The following NPEPPS variants were observed in gnomAD, a reference collection of about 807,000 sequenced individuals.
NPEPPS encodes the protein puromycin-sensitive aminopeptidase.
In NPEPPS, 14 loss-of-function variants were observed where a neutral mutation model predicts 115.5. The ratio of observed to expected loss-of-function variants is 0.12; its 90% confidence interval spans 0.08 to 0.19. The LOEUF (loss-of-function observed/expected upper bound fraction) is 0.19, where lower values mean the gene tolerates loss of function less well. NPEPPS is among the 10% of genes least tolerant of loss of function. The probability of loss-of-function intolerance (pLI) is 1.00; values close to 1 mark genes in which losing one functional copy is unlikely to be tolerated. For missense variants in NPEPPS, 523 were observed against 1,110.8 expected (o/e 0.47, Z 7.52); for synonymous variants, 285 against 390.6 (o/e 0.73, Z 3.19).
chr17:47,595,889 G>A (rs1025016151), intron 12 of NPEPPS, among the ~76,000 whole-genome samples: 11 of 150,860 alleles, frequency 7.3e-5, no homozygotes, highest in African/African-American at 2.4e-4. Flanking sequence ...ACCTGAAGCA[G>A]GAGAATTGCT....
rs1228138879 is a variant in NPEPPS, at chr17:47,579,446, T to G, written c.475T>G (p.Phe159Val). The G allele has an allele frequency of 6.2e-7, 1 of 1,612,696 alleles. No homozygotes were observed. The highest frequency in any genetic ancestry group is 1.3e-5 in the African/African-American group (1 of 74,868). Reference sequence around the variant, plus strand: ...AGAGCTGAATGACAAAATGAAAGGTTTCTATAGAAGTAAATATACTACCCC... The same window carrying G: ...AGAGCTGAATGACAAAATGAAAGGTGTCTATAGAAGTAAATATACTACCCC... ...VGELNDKMKG[F>V]YRSKYTTPSG... Residue 159 changes from phenylalanine (F) to valine (V), a missense_variant, in exon 4 of 23, where the codon TTC becomes GTC. By Grantham distance (50) the Phe-to-Val change is conservative. Transcript: ENST00000322157.
At position 47,596,357 on chromosome 17, in the gene NPEPPS, T is replaced by A. The variant is rs753943738; in HGVS notation, c.1431T>A (p.Asp477Glu). Residue 477 changes from aspartate (D) to glutamate (E), a missense_variant, in exon 13 of 23, where the codon GAT becomes GAA. Around this residue, in one of 4 missense-constraint regions of NPEPPS, gnomAD observed 372 missense variants for 542.6 expected, o/e 0.69. Coordinates refer to ENST00000322157, the MANE Select transcript of NPEPPS (RefSeq NM_006310.4). The stretch of plus-strand genomic sequence containing the variant: ...TTATCATTGTTTATCTTCTAGAGGA[T>A]CTCTGGGAAAGTTTAGAAAATGCTA... Reference protein sequence around the residue: ...KFQQKNAATEDLWESLENASG... With the variant: ...KFQQKNAATEELWESLENASG... 2 of 1,550,092 alleles carry A rather than the reference T, an allele frequency of 1.3e-6. No homozygotes were observed. The highest frequency in any genetic ancestry group is 1.8e-6 in the Non-Finnish European group (2 of 1,139,238).
rs763783960 is a variant in NPEPPS at position 47,621,894 on chromosome 17, C to T, written c.2734C>T (p.Arg912Trp). The T allele has an allele frequency of 2.2e-5, 35 of 1,613,018 alleles. No individual in the cohort carries two copies. Among genetic ancestry groups the T allele is most frequent in the Non-Finnish European group, 2.9e-5 (34 of 1,179,448 alleles). ...AESIHQYLLQRKASPPTV is the reference protein window; with the variant it reads ...AESIHQYLLQWKASPPTV Reference sequence around the variant, plus strand: ...GAGCATCCACCAGTACCTCCTTCAGCGGAAGGCCTCACCACCCACAGTGTG... The same window carrying T: ...GAGCATCCACCAGTACCTCCTTCAGTGGAAGGCCTCACCACCCACAGTGTG... Residue 912 changes from arginine (R) to tryptophan (W), a missense_variant, in exon 23 of 23, where the codon CGG (arginine) becomes TGG (tryptophan). Arg to Trp is a moderately radical substitution (Grantham distance 101). Transcript: ENST00000322157.
rs943640921 is a variant in NPEPPS, at chr17:47,603,728, T to C, written c.1741-187T>C. On this transcript the variant is annotated intron_variant, in intron 15 of 22. Transcript: ENST00000322157. ...GGCCCTCACAATTTCAAGTTTCCCTTTTCTTTTGTCTGTGCATTCATTCTG... is the reference window on the plus strand; with the variant it reads ...GGCCCTCACAATTTCAAGTTTCCCTCTTCTTTTGTCTGTGCATTCATTCTG... 246 of 463,002 alleles carry C rather than the reference T, an allele frequency of 5.3e-4. 1 individual carries two copies. Among genetic ancestry groups the C allele is most frequent in the Middle Eastern group, 3.9e-3 (7 of 1,800 alleles). 28.7% of individuals were successfully genotyped at this position (463,002 alleles called of 1,614,324 possible). A position where few individuals can be genotyped will look rare whatever the true frequency, so the allele number is the denominator to read the frequency against.
At chr17:47,549,969 C>G (rs1224546825) in intron 2 of NPEPPS, among the ~76,000 whole-genome samples, 1 of 146,968 alleles carries the variant, frequency 6.8e-6, no homozygotes, top group Non-Finnish European at 1.5e-5. Context: ...GAGTCTCGCT[C>G]TGTCACCCAG....
chr17:47,560,290 G>C (rs1910344933), intron 2 of NPEPPS, among the ~76,000 whole-genome samples: 1 of 152,006 alleles, frequency 6.6e-6, no homozygotes, highest in African/African-American at 2.4e-5. Flanking sequence ...TGGAAATCCT[G>C]GTCCAGAATC....
intron 1 of NPEPPS, among the ~76,000 whole-genome samples, chr17:47,536,330 A>G (rs1308834683): frequency 6.6e-6 from 1 of 151,144 alleles, no homozygotes; most frequent in African/African-American, 2.4e-5. Flanking sequence ...TGGCACCTGA[A>G]TGGTTATTGT....
chr17:47,543,821 A>C (rs1183911697), intron 1 of NPEPPS, among the ~76,000 whole-genome samples: 1 of 152,144 alleles, frequency 6.6e-6, no homozygotes, highest in African/African-American at 2.4e-5. Context: ...GTTCCTTTCC[A>C]TGGAAAAATT....
intron 2 of NPEPPS, among the ~76,000 whole-genome samples, chr17:47,566,947 C>T (rs1910859728): frequency 6.6e-6 from 1 of 151,974 alleles, no homozygotes. Flanking sequence ...CCTAGTGGCG[C>T]CTCATGCCTG....
At chr17:47,613,799 T>TA (rs563030189) in intron 19 of NPEPPS, 74 bp downstream of exon 19, 901 of 1,091,162 alleles carry the variant, frequency 8.3e-4, no homozygotes, top group African/African-American at 2.3e-3. Flanking sequence ...TCTAAATGGT[T>TA]AAAAAAAAAG....
Position 47,569,510 on chromosome 17 carries a change from T to G in NPEPPS, c.418+16T>G. 1.7e-6 allele frequency: 2 copies of G among 1,174,162 alleles called. No homozygotes were observed. The highest frequency in any genetic ancestry group is 2.5e-6 in the Non-Finnish European group (2 of 801,844). The allele number at this position is 1,174,162 out of a possible 1,614,324, so 72.7% of individuals were successfully genotyped here. A position where few individuals can be genotyped will look rare whatever the true frequency, so the allele number is the denominator to read the frequency against. ...CTGCAAACAGGTAAGAGACATAGCTTTTGTAAAATCTCGTGATGAATATAG... is the reference window on the plus strand; with the variant it reads ...CTGCAAACAGGTAAGAGACATAGCTGTTGTAAAATCTCGTGATGAATATAG... On this transcript the variant is annotated intron_variant, in intron 3 of 22. Coordinates refer to ENST00000322157, the MANE Select transcript of NPEPPS (RefSeq NM_006310.4).
rs1913943134 is a variant in NPEPPS at position 47,612,633 on chromosome 17, AT to A, written c.2238+32del. On this transcript the variant is annotated intron_variant, in intron 18 of 22. Coordinates refer to ENST00000322157, the MANE Select transcript of NPEPPS (RefSeq NM_006310.4). ...TTTTCATCATAAATTCCCTTGACTT[AT>A]AGGTAACATCATTTTGTGAAGCATG... The A allele has an allele frequency of 2.6e-6, 4 of 1,551,370 alleles. No individual in the cohort carries two copies. In the African/African-American group the frequency reaches 5.5e-5, roughly 21 times the overall value.
At chr17:47,601,522 C>A in intron 14 of NPEPPS, 86 bp from the exon 15 acceptor site, 1 of 1,480,780 alleles carries the variant, frequency 6.8e-7, no homozygotes, top group African/African-American at 1.4e-5. Flanking sequence ...TTGGCTTAGG[C>A]TCCTGGTTAG....
intron 1 of NPEPPS, among the ~76,000 whole-genome samples, chr17:47,541,502 G>A (rs1479375273): frequency 6.6e-6 from 1 of 151,694 alleles, no homozygotes; most frequent in East Asian, 1.9e-4. Context: ...TCAGCCTCCC[G>A]AGTAGCTGGG....
At chr17:47,572,328 C>A (rs9635763) in intron 3 of NPEPPS, among the ~76,000 whole-genome samples, 68,260 of 151,874 alleles carry the variant, frequency 0.45, 16,324 homozygotes, top group East Asian at 0.55. Flanking sequence ...TTGACCAAAG[C>A]AAGTAGCATG....
At chr17:47,558,932 G>T (rs1193158918) in intron 2 of NPEPPS, among the ~76,000 whole-genome samples, 1 of 152,168 alleles carries the variant, frequency 6.6e-6, no homozygotes, top group African/African-American at 2.4e-5. Flanking sequence ...TACCTGAGAG[G>T]CTGAGGCAGG....
chr17:47,544,241 TCAGC>T (rs1214336431), intron 1 of NPEPPS, among the ~76,000 whole-genome samples: 108 of 152,212 alleles, frequency 7.1e-4, no homozygotes, highest in African/African-American at 2.4e-3. Context: ...ACTCTCTATG[TCAGC>T]CAGGCTGGTC....
chr17:47,622,155 TAATAA>T lies in NPEPPS; in HGVS notation c.*240_*244del, dbSNP rs1914613885. 1.8e-6 allele frequency: 2 copies of T among 1,135,060 alleles called. No individual in the cohort carries two copies. Among genetic ancestry groups the T allele is most frequent in the East Asian group, 3.6e-5 (1 of 28,002 alleles). 70.3% of individuals were successfully genotyped at this position (1,135,060 alleles called of 1,614,324 possible). ...AAAAATAAAAATGTAAATATGATAGTAATAAAATAGAGCATAACGAAACTGTGAAA... is the reference window on the plus strand; with the variant it reads ...AAAAATAAAAATGTAAATATGATAGTAATAGAGCATAACGAAACTGTGAAA... On this transcript the variant is annotated 3_prime_UTR_variant, in exon 23 of 23. Transcript: ENST00000322157.
intron 2 of NPEPPS, among the ~76,000 whole-genome samples, chr17:47,546,281 C>T (rs1271299722): frequency 6.6e-6 from 1 of 152,010 alleles, no homozygotes; most frequent in Non-Finnish European, 1.5e-5. Flanking sequence ...GAAATATTAG[C>T]TAGGCATAGT....
Sources: gnomAD v4.1 joint callset for allele counts (sites outside exome capture counted in the v4.1 genomes callset) on GRCh38, gnomAD v4.1.1 for gene constraint, gnomAD v4.1.1 regional missense constraint, MANE v1.5 for transcripts, NCBI Gene and HGNC (gene_info 2026-07-23, HGNC 2026-07-21) for gene names.